The following KAT2B variants were observed in gnomAD, a reference collection of about 807,000 sequenced individuals.
KAT2B encodes histone acetyltransferase KAT2B.
In KAT2B, 36 loss-of-function variants were observed where a neutral mutation model predicts 105.9. That is an observed-to-expected ratio of 0.34 (90% CI 0.26 to 0.45). KAT2B has a LOEUF of 0.45. Among genes scored for constraint, KAT2B ranks in the 20% least tolerant of loss-of-function variants. KAT2B has a pLI of 1.00. For missense variants in KAT2B, 820 were observed against 1,021.6 expected (o/e 0.80, Z 2.69); for synonymous variants, 397 against 377.9 (o/e 1.05, Z -0.59).
intron 17 of KAT2B, 65 bp from the exon 18 acceptor site, chr3:20,152,267 C>CCGGA: frequency 1.8e-6 from 2 of 1,106,962 alleles, no homozygotes; most frequent in Non-Finnish European, 2.6e-6. Flanking sequence ...CTTTCCCAGT[C>CCGGA]CCAGTTTTGT....
chr3:20,128,051 A>G (rs958234341), intron 11 of KAT2B, among the ~76,000 whole-genome samples: 3 of 152,162 alleles, frequency 2.0e-5, no homozygotes, highest in Non-Finnish European at 4.4e-5. Context: ...GTGTATGTGT[A>G]TGTGTGTGAG....
chr3:20,052,610 G>C (rs969680371), intron 1 of KAT2B, among the ~76,000 whole-genome samples: 6 of 151,138 alleles, frequency 4.0e-5, no homozygotes, highest in African/African-American at 1.2e-4. Flanking sequence ...AGGAGGCTGA[G>C]TTGGTGATCC....
intron 13 of KAT2B, among the ~76,000 whole-genome samples, chr3:20,141,767 C>T (rs960463345): frequency 1.4e-5 from 2 of 145,962 alleles, no homozygotes; most frequent in Non-Finnish European, 3.0e-5. Flanking sequence ...CTTGTGTTTC[C>T]TGGGGAAGTG....
chr3:20,085,733 A>T (rs1178681087), intron 2 of KAT2B, among the ~76,000 whole-genome samples: 1 of 151,548 alleles, frequency 6.6e-6, no homozygotes, highest in Admixed American at 6.6e-5. Flanking sequence ...CTGGCCTCTA[A>T]CTCCTGACTT....
intron 11 of KAT2B, among the ~76,000 whole-genome samples, chr3:20,131,800 G>T (rs1173264693): frequency 1.3e-5 from 2 of 152,104 alleles, no homozygotes; most frequent in Non-Finnish European, 2.9e-5. Flanking sequence ...CTGGTCTCAA[G>T]AGATCCTCCC....
intron 2 of KAT2B, among the ~76,000 whole-genome samples, chr3:20,078,740 CTG>C (rs1326764846): frequency 2.0e-5 from 3 of 151,768 alleles, no homozygotes; most frequent in Non-Finnish European, 4.4e-5. Flanking sequence ...TGGGAACTGA[CTG>C]TTTTTTGTCA....
intron 5 of KAT2B, among the ~76,000 whole-genome samples, chr3:20,102,565 A>G (rs1698929375): frequency 6.6e-6 from 1 of 152,220 alleles, no homozygotes; most frequent in African/African-American, 2.4e-5. Flanking sequence ...TGGACATTCA[A>G]ACTCTGCAGA....
chr3:20,106,505 A>G (rs1009342001), intron 5 of KAT2B, among the ~76,000 whole-genome samples: 1 of 152,092 alleles, frequency 6.6e-6, no homozygotes, highest in Non-Finnish European at 1.5e-5. Context: ...ACTCAGCCTC[A>G]TTGTCTTAAT....
At chr3:20,087,628 C>T (rs1243969039) in intron 2 of KAT2B, among the ~76,000 whole-genome samples, 1 of 152,152 alleles carries the variant, frequency 6.6e-6, no homozygotes, top group African/African-American at 2.4e-5. Flanking sequence ...GTAAATGAAA[C>T]TTTGTACTCT....
intron 1 of KAT2B, among the ~76,000 whole-genome samples, chr3:20,062,107 TA>T (rs1698126891): frequency 1.0e-5 from 1 of 99,676 alleles, no homozygotes; most frequent in African/African-American, 4.2e-5. Flanking sequence ...ACATATAATA[TA>T]TATTATATAA....
At chr3:20,050,263 G>T (rs1006052039) in intron 1 of KAT2B, among the ~76,000 whole-genome samples, 36 of 150,998 alleles carry the variant, frequency 2.4e-4, no homozygotes, top group African/African-American at 8.3e-4. Flanking sequence ...TCACACAACA[G>T]TATCTCAACA....
intron 1 of KAT2B, among the ~76,000 whole-genome samples, chr3:20,052,952 G>A (rs1697941135): frequency 6.6e-6 from 1 of 152,218 alleles, no homozygotes; most frequent in Non-Finnish European, 1.5e-5. Context: ...CTCCAGCCTG[G>A]GCGACAAGAG....
intron 2 of KAT2B, among the ~76,000 whole-genome samples, chr3:20,076,219 A>G (rs946212837): frequency 4.6e-5 from 7 of 152,194 alleles, no homozygotes; most frequent in Non-Finnish European, 8.8e-5. Context: ...ATTTCATACT[A>G]TACCACAAAC....
chr3:20,050,199 CAAA>C (rs11298850), intron 1 of KAT2B, among the ~76,000 whole-genome samples: 20 of 104,070 alleles, frequency 1.9e-4, no homozygotes, highest in Non-Finnish European at 2.2e-4. Flanking sequence ...GACCCTGTCT[CAAA>C]AAAAAAAAAA....
chr3:20,043,290 G>A (rs946041523), intron 1 of KAT2B, among the ~76,000 whole-genome samples: 3 of 152,156 alleles, frequency 2.0e-5, no homozygotes, highest in African/African-American at 7.2e-5. Context: ...TAGGTGCTGG[G>A]CCTATGACAC....
At chr3:20,094,068 A>G (rs993617446) in intron 2 of KAT2B, among the ~76,000 whole-genome samples, 4 of 152,188 alleles carry the variant, frequency 2.6e-5, no homozygotes, top group Non-Finnish European at 5.9e-5. Flanking sequence ...ATGAAACAAT[A>G]TTTAGTCTGT....
chr3:20,117,362 A>G (rs930324219), intron 7 of KAT2B, among the ~76,000 whole-genome samples: 2 of 152,214 alleles, frequency 1.3e-5, no homozygotes, highest in East Asian at 1.9e-4. Flanking sequence ...AGAAGAGTGT[A>G]ATCATCTACT....
chr3:20,079,753 TA>T (rs1698487191), intron 2 of KAT2B, among the ~76,000 whole-genome samples: 1 of 152,180 alleles, frequency 6.6e-6, no homozygotes, highest in Non-Finnish European at 1.5e-5. Context: ...CCAAAGGACG[TA>T]AACATGGGGC....
intron 5 of KAT2B, among the ~76,000 whole-genome samples, chr3:20,103,569 C>T (rs1262143825): frequency 3.3e-5 from 5 of 152,006 alleles, no homozygotes; most frequent in Non-Finnish European, 5.9e-5. Flanking sequence ...GCCACCATGC[C>T]TGGCTATTTG....
Sources: gnomAD v4.1 joint callset for allele counts (sites outside exome capture counted in the v4.1 genomes callset) on GRCh38, gnomAD v4.1.1 for gene constraint, MANE v1.5 for transcripts, NCBI Gene and HGNC (gene_info 2026-07-23, HGNC 2026-07-21) for gene names.